Variants in TMEM120B observed in about 807,000 individuals in gnomAD.
TMEM120B encodes the protein transmembrane protein 120B.
TMEM120B carries 31 observed loss-of-function variants against 55.5 expected under a neutral mutation model. The observed-to-expected ratio is 0.56, with a 90% CI of 0.42 to 0.75. The LOEUF (loss-of-function observed/expected upper bound fraction) is 0.75, where lower values mean the gene tolerates loss of function less well. Ranked by LOEUF, TMEM120B falls within the 30% of genes least tolerant of loss-of-function variation. TMEM120B has a pLI of 0.00. For synonymous variants in TMEM120B, 203 were observed against 176.3 expected (o/e 1.15, Z -1.20); for missense variants, 399 against 425.5 (o/e 0.94, Z 0.55).
intron 2 of TMEM120B, 23 bp from the exon 3 acceptor site, chr12:121,748,303 T>C (rs1873163949): frequency 1.3e-6 from 2 of 1,588,842 alleles, no homozygotes; most frequent in Non-Finnish European, 1.7e-6. Flanking sequence ...CCCCTTCCCC[T>C]GTGCCTGCAT....
Position 121,781,609 on chromosome 12 carries a change from T to C in TMEM120B, c.*5887T>C, listed in dbSNP as rs1488159755. The C allele has an allele frequency of 4.9e-6, 1 of 204,664 alleles. No homozygotes were observed. The highest frequency in any genetic ancestry group is 1.0e-5 in the Non-Finnish European group (1 of 98,732). The allele number at this position is 204,664 out of a possible 1,614,324, so 12.7% of individuals were successfully genotyped here. A position where few individuals can be genotyped will look rare whatever the true frequency, so the allele number is the denominator to read the frequency against. On this transcript the variant is annotated 3_prime_UTR_variant, in exon 12 of 12. Transcript: ENST00000449592. ...GAGAAACTGCTAGAGATGATGCCGA[T>C]AGCCAGTGTGATCCCCCTGCCCTGA...
intron 1 of TMEM120B, among the ~76,000 whole-genome samples, chr12:121,721,711 G>A (rs373136343): frequency 1.4e-5 from 2 of 147,150 alleles, no homozygotes; most frequent in African/African-American, 5.1e-5. Flanking sequence ...CTCGTGATCC[G>A]CCCACTCCAG....
intron 5 of TMEM120B, among the ~76,000 whole-genome samples, chr12:121,753,246 C>T (rs921559290): frequency 8.5e-5 from 13 of 152,066 alleles, no homozygotes; most frequent in African/African-American, 2.9e-4. Flanking sequence ...CTGAGAACTG[C>T]CCAGAACAGG....
Position 121,780,520 on chromosome 12 carries a change from A to T in TMEM120B, c.*4798A>T, listed in dbSNP as rs1874410759. 6 of 428,776 alleles carry T rather than the reference A, an allele frequency of 1.4e-5. No homozygotes were observed. In the South Asian group the frequency reaches 3.4e-4, roughly 24 times the overall value. 26.6% of individuals were successfully genotyped at this position (428,776 alleles called of 1,614,324 possible). On this transcript the variant is annotated 3_prime_UTR_variant, in exon 12 of 12. Coordinates refer to ENST00000449592, the MANE Select transcript of TMEM120B (RefSeq NM_001080825.2). Reference sequence around the variant, plus strand: ...AACAAGGCAGACAGGACACGACAGGACGGCGGCTCATAGCACAGACTTTGG... The same window carrying T: ...AACAAGGCAGACAGGACACGACAGGTCGGCGGCTCATAGCACAGACTTTGG...
intron 6 of TMEM120B, 113 bp downstream of exon 6, chr12:121,761,851 G>T (rs1350644669): frequency 5.1e-6 from 4 of 791,322 alleles, no homozygotes; most frequent in Admixed American, 2.1e-5. Context: ...CTCCTTGGGG[G>T]TTGCTCTGTG....
chr12:121,760,888 C>G (rs918865257), intron 5 of TMEM120B, among the ~76,000 whole-genome samples: 1 of 152,098 alleles, frequency 6.6e-6, no homozygotes, highest in Non-Finnish European at 1.5e-5. Flanking sequence ...GTATTAAATA[C>G]ATGTAACAAA....
At chr12:121,763,239 T>C (rs1169376267) in intron 6 of TMEM120B, among the ~76,000 whole-genome samples, 1 of 145,848 alleles carries the variant, frequency 6.9e-6, no homozygotes, top group East Asian at 2.1e-4. Flanking sequence ...CTCGGCTCAC[T>C]GCAACCTCCG....
At chr12:121,763,689 C>G (rs1429597875) in intron 6 of TMEM120B, among the ~76,000 whole-genome samples, 1 of 152,294 alleles carries the variant, frequency 6.6e-6, no homozygotes, top group East Asian at 1.9e-4. Flanking sequence ...GTGATCTGCC[C>G]TCCTTGGCCT....
At chr12:121,726,894 T>G (rs1404760509) in intron 1 of TMEM120B, among the ~76,000 whole-genome samples, 6 of 97,570 alleles carry the variant, frequency 6.1e-5, no homozygotes, top group African/African-American at 1.6e-4. Flanking sequence ...GGCAACAGAG[T>G]GGGACTCTGT....
intron 1 of TMEM120B, among the ~76,000 whole-genome samples, chr12:121,720,026 T>C (rs1894766894): frequency 6.6e-6 from 1 of 152,102 alleles, no homozygotes; most frequent in African/African-American, 2.4e-5. Flanking sequence ...TGATGTCACA[T>C]CTTTGTGACA....
At chr12:121,732,944 A>G (rs969255835) in intron 1 of TMEM120B, among the ~76,000 whole-genome samples, 9 of 149,318 alleles carry the variant, frequency 6.0e-5, no homozygotes, top group African/African-American at 2.0e-4. Flanking sequence ...GCGCCACTGC[A>G]CTCCAGCCTG....
At chr12:121,757,576 G>T (rs1250894167) in intron 5 of TMEM120B, among the ~76,000 whole-genome samples, 1 of 151,392 alleles carries the variant, frequency 6.6e-6, no homozygotes, top group African/African-American at 2.4e-5. Flanking sequence ...GAGTGCAGTG[G>T]CACGATCTTG....
rs1426116463 is a variant in TMEM120B, at chr12:121,776,252, C to A, written c.*530C>A. 1 of 187,608 alleles carries A rather than the reference C, an allele frequency of 5.3e-6. No homozygotes were observed. The highest frequency in any genetic ancestry group is 1.0e-5 in the Non-Finnish European group (1 of 99,510). 11.6% of individuals were successfully genotyped at this position (187,608 alleles called of 1,614,324 possible). A position where few individuals can be genotyped will look rare whatever the true frequency, so the allele number is the denominator to read the frequency against. On this transcript the variant is annotated 3_prime_UTR_variant, in exon 12 of 12. Transcript: ENST00000449592. The stretch of plus-strand genomic sequence containing the variant: ...AGGGTTATTTTAAGTTCTCAGAGAC[C>A]CACCGCGTCTGCCTCGTGCTCTTCT...
At position 121,774,722 on chromosome 12, in the gene TMEM120B, T is replaced by C. The variant is rs773214593; in HGVS notation, c.837T>C (p.His279=). Reference sequence around the variant, plus strand: ...TCCTGCCCTTCCTCTTCTGTGGCCATGTGAGTCCCCCTGGAGTTTGTGGGT... The same window carrying C: ...TCCTGCCCTTCCTCTTCTGTGGCCACGTGAGTCCCCCTGGAGTTTGTGGGT... ...TFLLPFLFCG[H]FWQLYNAVTL... Residue 279 remains histidine (H), a splice_region_variant and synonymous_variant, in exon 10 of 12, where the codon CAT becomes CAC. Coordinates refer to ENST00000449592, the MANE Select transcript of TMEM120B (RefSeq NM_001080825.2). The C allele has an allele frequency of 1.2e-6, 2 of 1,613,884 alleles. No individual in the cohort carries two copies. Among genetic ancestry groups the C allele is most frequent in the South Asian group, 2.2e-5 (2 of 91,034 alleles).
chr12:121,754,113 G>A (rs1022428160), intron 5 of TMEM120B, among the ~76,000 whole-genome samples: 2 of 152,248 alleles, frequency 1.3e-5, no homozygotes, highest in Non-Finnish European at 2.9e-5. Flanking sequence ...CTGGGCATCC[G>A]GCTGCTGGTC....
intron 5 of TMEM120B, 117 bp from the exon 6 acceptor site, chr12:121,761,532 G>T: frequency 1.4e-6 from 1 of 697,386 alleles, no homozygotes; most frequent in Non-Finnish European, 2.5e-6. Flanking sequence ...GGCTTCCAGA[G>T]GCAGCGCGTG....
rs373979678 is a variant in TMEM120B at position 121,781,037 on chromosome 12, C to T, written c.*5315C>T. 4.2e-4 allele frequency: 681 copies of T among 1,612,990 alleles called. No homozygotes were observed. Among genetic ancestry groups the T allele is most frequent in the Non-Finnish European group, 5.1e-4 (602 of 1,179,352 alleles). On this transcript the variant is annotated 3_prime_UTR_variant, in exon 12 of 12. Transcript: ENST00000449592. ...GAGGGAGGAGGCGGGATCAGGGGTGCGGCCGGGCCCAGATGTGGGGCCACC... is the reference window on the plus strand; with the variant it reads ...GAGGGAGGAGGCGGGATCAGGGGTGTGGCCGGGCCCAGATGTGGGGCCACC...
At chr12:121,758,469 G>C (rs926030367) in intron 5 of TMEM120B, 1 of 974,084 alleles carries the variant, frequency 1.0e-6, no homozygotes, top group African/African-American at 2.0e-5. Flanking sequence ...CTAGCTCCAC[G>C]CTGTGGCCAC....
Position 121,775,010 on chromosome 12 carries a change from G to T in TMEM120B, c.838-52G>T, listed in dbSNP as rs894395208. The T allele has an allele frequency of 1.0e-5, 16 of 1,604,226 alleles. No individual in the cohort carries two copies. In the African/African-American group the frequency reaches 2.0e-4, roughly 20 times the overall value. On this transcript the variant is annotated intron_variant, in intron 10 of 11. Coordinates refer to ENST00000449592, the MANE Select transcript of TMEM120B (RefSeq NM_001080825.2). The surrounding 1 kb of genome is among the most constrained non-coding windows in gnomAD (Gnocchi z 4.3). ...CCTGGCCATCACCCTGGCTTTCTAC[G>T]TGGCCGGCCAGGGGAGTCTGGTGGG...
Sources: allele counts gnomAD v4.1 joint callset (sites outside exome capture counted in the v4.1 genomes callset), GRCh38; gene constraint gnomAD v4.1.1; non-coding constraint Gnocchi (gnomAD v3.1); transcripts MANE v1.5; gene names NCBI Gene and HGNC (gene_info 2026-07-23, HGNC 2026-07-21).